NADK: variants seen among roughly 807,000 people sequenced by gnomAD.
NADK encodes NAD kinase.
Under a neutral mutation model 49.8 loss-of-function variants are expected in NADK, and 22 were observed. The observed-to-expected ratio is 0.44, with a 90% CI of 0.32 to 0.63. The LOEUF (loss-of-function observed/expected upper bound fraction) is 0.63, where lower values mean the gene tolerates loss of function less well. Among genes scored for constraint, NADK ranks in the 30% least tolerant of loss-of-function variants. The probability of loss-of-function intolerance (pLI) is 0.06; values close to 1 mark genes in which losing one functional copy is unlikely to be tolerated. For missense variants in NADK, 438 were observed against 609.4 expected (o/e 0.72, Z 2.96); for synonymous variants, 268 against 253.7 (o/e 1.06, Z -0.54).
At chr1:1,757,331 G>A (rs1182687752) in intron 3 of NADK, 21 bp from the exon 4 acceptor site, 4 of 1,594,974 alleles carry the variant, frequency 2.5e-6, no homozygotes, top group Non-Finnish European at 3.4e-6. Flanking sequence ...GGAGAAAAGA[G>A]TTCACACCAG....
chr1:1,756,094 G>A lies in NADK; in HGVS notation c.585+164C>T, dbSNP rs377531129. ...TGTCCACACTGCCCCTGGCCCCACC[G>A]TCGCACCCCACCGGGCTGCCACCAT... On this transcript the variant is annotated intron_variant, in intron 6 of 11. Transcript: ENST00000341426. 5.5e-5 allele frequency: 37 copies of A among 677,406 alleles called. 1 individual carries two copies. The highest frequency in any genetic ancestry group is 1.4e-4 in the Admixed American group (6 of 42,388). 42.0% of individuals were successfully genotyped at this position (677,406 alleles called of 1,614,324 possible). A position where few individuals can be genotyped will look rare whatever the true frequency, so the allele number is the denominator to read the frequency against.
chr1:1,771,047 A>G, intron 1 of NADK, among the ~76,000 whole-genome samples: 1 of 60,522 alleles, frequency 1.7e-5, no homozygotes, highest in East Asian at 6.2e-4. Context: ...TCTTATAAAA[A>G]AAAAAAAAAT....
In NADK at chr1:1,765,286, G is replaced by A. The variant is rs781458015; in HGVS notation, c.121C>T (p.Arg41Trp). 5.6e-6 allele frequency: 9 copies of A among 1,613,100 alleles called. No homozygotes were observed. Among genetic ancestry groups the A allele is most frequent in the Admixed American group, 5.0e-5 (3 of 59,974 alleles). Residue 41 changes from arginine to tryptophan, a missense_variant, in exon 2 of 12, where the codon CGG becomes TGG. Transcript: ENST00000341426. ...GCAGACAGGCTGCGAGACTTGGCCC[G>A]GCCCCGGATGGGGTGGTTGTAACTC... ...TWSYNHPIRG[R>W]AKSRSLSASP...
intron 6 of NADK, 139 bp downstream of exon 6, chr1:1,756,119 T>A (rs1243670895): frequency 3.8e-6 from 3 of 791,966 alleles, no homozygotes; most frequent in African/African-American, 3.4e-5. Context: ...GCTGCCACCA[T>A]GGGCCTCAGT....
Position 1,759,051 on chromosome 1 carries a change from C to T in NADK, c.264-1741G>A, listed in dbSNP as rs774255311. On this transcript the variant is annotated intron_variant, in intron 3 of 11. Transcript: ENST00000341426. ...CGGCCTGGTCAGCCAGCAAAGCCCCCGCCCTGCACACGGCTCCCCCTGCTC... is the reference window on the plus strand; with the variant it reads ...CGGCCTGGTCAGCCAGCAAAGCCCCTGCCCTGCACACGGCTCCCCCTGCTC... The T allele has an allele frequency of 3.2e-5, 47 of 1,475,648 alleles. 1 individual carries two copies. The highest frequency in any genetic ancestry group is 3.8e-5 in the Non-Finnish European group (42 of 1,105,970). 91.4% of individuals were successfully genotyped at this position (1,475,648 alleles called of 1,614,324 possible).
chr1:1,753,631 C>T lies in NADK; in HGVS notation c.1120G>A (p.Ala374Thr). The part of the protein sequence containing the change: ...VELKIMLSPE[A>T]RNTAWVSFDG... ...AAGGACACCCATGCTGTGTTCCTTG[C>T]TTCAGGTGACAGCATGATCTGAGGG... The change falls in exon 11 of 12, where the codon GCA becomes ACA. Residue 374 changes from alanine (A) to threonine (T), a missense_variant. Coordinates refer to ENST00000341426, the MANE Select transcript of NADK (RefSeq NM_023018.5). The T allele has an allele frequency of 6.2e-7, 1 of 1,611,180 alleles. No individual in the cohort carries two copies. Among genetic ancestry groups the T allele is most frequent in the Non-Finnish European group, 8.5e-7 (1 of 1,178,448 alleles).
At chr1:1,758,668 T>TA (rs1645612977) in intron 3 of NADK, 8 of 1,354,522 alleles carry the variant, frequency 5.9e-6, no homozygotes, top group Non-Finnish European at 5.7e-6. Context: ...CCTACACTTA[T>TA]AAAAATCAAA....
At chr1:1,771,494 C>T (rs1295133055) in intron 1 of NADK, among the ~76,000 whole-genome samples, 10 of 152,244 alleles carry the variant, frequency 6.6e-5, no homozygotes, top group South Asian at 4.1e-4. Context: ...TGAAAAACTA[C>T]GGGAACCAGA....
Position 1,778,455 on chromosome 1 carries a change from G to C in NADK, c.-207C>G, listed in dbSNP as rs1054760915. On this transcript the variant is annotated 5_prime_UTR_variant, in exon 1 of 12. Transcript: ENST00000341426. This position sits in a 1 kb window ranked among gnomAD's most constrained non-coding sequence, Gnocchi z 4.9. ...CGCCGGCGCCGCCGAGCAGCAATGC[G>C]CCGCGCCCGCCCACTGCGCAGGCGC... is the stretch of plus-strand genomic sequence containing the variant. The C allele has an allele frequency of 8.1e-5, 12 of 147,802 alleles. No individual in the cohort carries two copies. Among genetic ancestry groups the C allele is most frequent in the Non-Finnish European group, 1.2e-4 (8 of 66,316 alleles). The allele number at this position is 147,802 out of a possible 1,614,324, so 9.2% of individuals were successfully genotyped here. A position where few individuals can be genotyped will look rare whatever the true frequency, so the allele number is the denominator to read the frequency against.
At position 1,754,792 on chromosome 1, in the gene NADK, T is replaced by C; in HGVS notation, c.689-94A>G. On this transcript the variant is annotated intron_variant, in intron 7 of 11. Transcript: ENST00000341426. The surrounding 1 kb of genome is among the most constrained non-coding windows in gnomAD (Gnocchi z 4.3). Reference sequence around the variant, plus strand: ...GAGGCCAGTGGGAGTCAGAGGGCTCTTTCTTCTCCCAAGTTGACACACTTC... The same window carrying C: ...GAGGCCAGTGGGAGTCAGAGGGCTCCTTCTTCTCCCAAGTTGACACACTTC... 12 of 1,196,678 alleles carry C rather than the reference T, an allele frequency of 1.0e-5. No individual in the cohort carries two copies. Among genetic ancestry groups the C allele is most frequent in the African/African-American group, 1.5e-5 (1 of 65,806 alleles). The allele number at this position is 1,196,678 out of a possible 1,614,324, so 74.1% of individuals were successfully genotyped here.
At chr1:1,773,713 T>TGAGA (rs1333424237) in intron 1 of NADK, among the ~76,000 whole-genome samples, 2,074 of 126,464 alleles carry the variant, frequency 0.016, 62 homozygotes, top group East Asian at 0.058. Context: ...TGTGTGTGTG[T>TGAGA]GTGTGTGTGT....
chr1:1,755,029 C>A, intron 7 of NADK: 1 of 399,720 alleles, frequency 2.5e-6, no homozygotes, highest in South Asian at 2.8e-5. Context: ...ACCGTGTTGG[C>A]CAGGATGGTC....
intron 1 of NADK, among the ~76,000 whole-genome samples, chr1:1,772,987 G>C (rs1290297649): frequency 2.7e-5 from 4 of 149,406 alleles, no homozygotes; most frequent in African/African-American, 9.9e-5. Flanking sequence ...GTTGCGGTGA[G>C]CTGAGATCAC....
rs528291515 is a variant in NADK, at chr1:1,752,691, C to T, written c.*213G>A. 1.2e-4 allele frequency: 72 copies of T among 576,676 alleles called. No individual in the cohort carries two copies. Among genetic ancestry groups the T allele is most frequent in the African/African-American group, 8.3e-4 (44 of 53,062 alleles). 35.7% of individuals were successfully genotyped at this position (576,676 alleles called of 1,614,324 possible). A position where few individuals can be genotyped will look rare whatever the true frequency, so the allele number is the denominator to read the frequency against. ...CAGCAGGACAGAAGCACTCCCAGCCCATTTCTCACGCTTCTTTAGAAATGC... is the reference window on the plus strand; with the variant it reads ...CAGCAGGACAGAAGCACTCCCAGCCTATTTCTCACGCTTCTTTAGAAATGC... On this transcript the variant is annotated 3_prime_UTR_variant, in exon 12 of 12. Transcript: ENST00000341426.
rs375630351 is a variant in NADK, at chr1:1,751,847, C to G, written c.*1057G>C. The G allele has an allele frequency of 1.6e-5, 2 of 126,616 alleles. No homozygotes were observed. The highest frequency in any genetic ancestry group is 8.6e-5 in the Admixed American group (1 of 11,608). 7.8% of individuals were successfully genotyped at this position (126,616 alleles called of 1,614,324 possible). On this transcript the variant is annotated 3_prime_UTR_variant, in exon 12 of 12. Transcript: ENST00000341426. ...CACACACCTGTGCCCGTGGAAGACGCGGGCGCCGGGGTAGGCAGCATCCAC... is the reference window on the plus strand; with the variant it reads ...CACACACCTGTGCCCGTGGAAGACGGGGGCGCCGGGGTAGGCAGCATCCAC...
At chr1:1,770,082 G>A (rs1295443196) in intron 1 of NADK, among the ~76,000 whole-genome samples, 2 of 152,070 alleles carry the variant, frequency 1.3e-5, no homozygotes, top group African/African-American at 4.8e-5. Context: ...AAGGAGAACA[G>A]GAGAATTGCT....
At chr1:1,777,399 A>C (rs895813037) in intron 1 of NADK, among the ~76,000 whole-genome samples, 1 of 152,228 alleles carries the variant, frequency 6.6e-6, no homozygotes, top group African/African-American at 2.4e-5. Context: ...GGAGGAAAAA[A>C]AAACTTATTA....
At chr1:1,762,925 G>A (rs1430746512) in intron 2 of NADK, among the ~76,000 whole-genome samples, 1 of 152,252 alleles carries the variant, frequency 6.6e-6, no homozygotes, top group African/African-American at 2.4e-5. Flanking sequence ...GGACCGCTGT[G>A]CTCCTCAGGG....
chr1:1,777,229 G>A (rs753340949), intron 1 of NADK, among the ~76,000 whole-genome samples: 86 of 152,340 alleles, frequency 5.6e-4, no homozygotes, highest in Non-Finnish European at 1.1e-3. Context: ...AAAAGTCCCA[G>A]TGAAGTCACT....
Sources: gnomAD v4.1 joint callset for allele counts (sites outside exome capture counted in the v4.1 genomes callset) on GRCh38, gnomAD v4.1.1 for gene constraint, Gnocchi (gnomAD v3.1) non-coding constraint, MANE v1.5 for transcripts, NCBI Gene and HGNC (gene_info 2026-07-23, HGNC 2026-07-21) for gene names.